TRAPPC10: variants seen among roughly 807,000 people sequenced by gnomAD.
TRAPPC10 encodes TRAPP 130 kDa subunit.
In TRAPPC10, 23 loss-of-function variants were observed where a neutral mutation model predicts 125.5. That is an observed-to-expected ratio of 0.18 (90% CI 0.13 to 0.26). TRAPPC10 has a LOEUF of 0.26. TRAPPC10 is among the 10% of genes least tolerant of loss of function. The pLI is 1.00. For missense variants in TRAPPC10, 1,123 were observed against 1,308.4 expected, an observed-to-expected ratio of 0.86 and a Z score of 2.19; for synonymous variants, 509 against 518.0, an observed-to-expected ratio of 0.98 and a Z score of 0.24.
chr21:44,095,037 T>C (rs1049836890), intron 20 of TRAPPC10, among the ~76,000 whole-genome samples: 2 of 148,844 alleles, frequency 1.3e-5, no homozygotes, highest in East Asian at 3.9e-4. Context: ...ATTATAATAA[T>C]AATTTATATA....
rs573839144 is a variant in TRAPPC10 at position 44,082,700 on chromosome 21, C to T, written c.1724-88C>T. ...ACTGCTGCTTGCTTCAGTCTGCTCT[C>T]GGTGATCTTACTGTGTCCGCGGCCT... On this transcript the variant is annotated intron_variant, in intron 13 of 22. Coordinates refer to ENST00000291574, the MANE Select transcript of TRAPPC10 (RefSeq NM_003274.5). The surrounding 1 kb of genome is among the most constrained non-coding windows in gnomAD (Gnocchi z 4.4). 9.8e-5 allele frequency: 144 copies of T among 1,466,956 alleles called. 1 individual carries two copies. Among genetic ancestry groups the T allele is most frequent in the South Asian group, 7.3e-4 (59 of 81,016 alleles). The allele number at this position is 1,466,956 out of a possible 1,614,324, so 90.9% of individuals were successfully genotyped here. A position where few individuals can be genotyped will look rare whatever the true frequency, so the allele number is the denominator to read the frequency against.
In TRAPPC10 at chr21:44,074,417, A is replaced by T. The variant is rs2037117902; in HGVS notation, c.1132A>T (p.Ile378Phe). The T allele has an allele frequency of 6.2e-7, 1 of 1,614,198 alleles. No individual in the cohort carries two copies. The highest frequency in any genetic ancestry group is 8.5e-7 in the Non-Finnish European group (1 of 1,180,012). The change falls in exon 8 of 23, where the codon ATC becomes TTC. Residue 378 changes from isoleucine (I) to phenylalanine (F), a missense_variant. Transcript: ENST00000291574. ...AGAAGGCTGCTGTGACCGGGCACAG[A>T]TCGACTCAAACATTGCCCACACTGT... ...RIEGCCDRAQ[I>F]DSNIAHTVGL...
At chr21:44,023,535 G>T (rs1363344916) in intron 1 of TRAPPC10, among the ~76,000 whole-genome samples, 1 of 152,146 alleles carries the variant, frequency 6.6e-6, no homozygotes, top group Non-Finnish European at 1.5e-5. Context: ...TCATGTTGGG[G>T]TCTAAGATAG....
chr21:44,052,040 G>A (rs942619955), intron 3 of TRAPPC10, among the ~76,000 whole-genome samples: 2 of 152,232 alleles, frequency 1.3e-5, no homozygotes, highest in Non-Finnish European at 2.9e-5. Flanking sequence ...TCACTGGGAC[G>A]CTCACATCCC....
intron 15 of TRAPPC10, among the ~76,000 whole-genome samples, chr21:44,084,682 G>A (rs2038006765): frequency 6.6e-6 from 1 of 152,176 alleles, no homozygotes; most frequent in Non-Finnish European, 1.5e-5. Context: ...ACTGGAGCTG[G>A]CGTCAGACAC....
rs544557990 is a variant in TRAPPC10, at chr21:44,039,794, G to A, written c.285+1867G>A. ...GCAGGAGAATTGCTTGAACCTGGGA[G>A]TGGAGGTTGCAGTGAGCCGAGATCG... On this transcript the variant is annotated intron_variant, in intron 3 of 22. Coordinates refer to ENST00000291574, the MANE Select transcript of TRAPPC10 (RefSeq NM_003274.5). Among the ~76,000 whole-genome samples, 5 of 152,300 alleles carry A rather than the reference G, an allele frequency of 3.3e-5. 1 individual carries two copies. The South Asian group carries it at 8.3e-4, about 25-fold the overall frequency.
chr21:44,087,036 G>A lies in TRAPPC10; in HGVS notation c.2539+76G>A. 1 of 1,539,470 alleles carries A rather than the reference G, an allele frequency of 6.5e-7. No homozygotes were observed. Among genetic ancestry groups the A allele is most frequent in the East Asian group, 2.3e-5 (1 of 44,114 alleles). ...CTGTGTGGGTGTGAGGGTGAGCCTG[G>A]CCTTGCTGCCATCCTGCTGAGCGCC... On this transcript the variant is annotated intron_variant, in intron 16 of 22. Coordinates refer to ENST00000291574, the MANE Select transcript of TRAPPC10 (RefSeq NM_003274.5). The surrounding 1 kb of genome is among the most constrained non-coding windows in gnomAD (Gnocchi z 4.6).
chr21:44,037,986 G>A (rs902964158), intron 3 of TRAPPC10, 59 bp downstream of exon 3: 1 of 1,580,336 alleles, frequency 6.3e-7, no homozygotes, highest in African/African-American at 1.4e-5. Flanking sequence ...TGCGTGGAGA[G>A]TGCTGTGTGA....
At chr21:44,028,769 G>A (rs912143939) in intron 1 of TRAPPC10, among the ~76,000 whole-genome samples, 2 of 152,192 alleles carry the variant, frequency 1.3e-5, no homozygotes, top group East Asian at 3.9e-4. Context: ...CAGTGAACTG[G>A]GTGACTTTGT....
At chr21:44,055,924 C>G in intron 5 of TRAPPC10, 31 bp downstream of exon 5, 1 of 1,498,416 alleles carries the variant, frequency 6.7e-7, no homozygotes, top group Non-Finnish European at 9.1e-7. Context: ...CTAGACAGTT[C>G]CTTCTCTCCT....
chr21:44,040,064 T>C (rs1232042171), intron 3 of TRAPPC10, among the ~76,000 whole-genome samples: 1 of 152,182 alleles, frequency 6.6e-6, no homozygotes, highest in African/African-American at 2.4e-5. Context: ...TGAGAACAGC[T>C]CCAAATTTGC....
At chr21:44,088,177 G>T (rs1347827762) in intron 17 of TRAPPC10, 4 of 540,510 alleles carry the variant, frequency 7.4e-6, no homozygotes, top group Non-Finnish European at 1.3e-5. Flanking sequence ...GGAGTTTGCT[G>T]TAAGAGGTTA....
intron 2 of TRAPPC10, among the ~76,000 whole-genome samples, chr21:44,035,813 T>C (rs2033944846): frequency 6.6e-6 from 1 of 152,086 alleles, no homozygotes; most frequent in Non-Finnish European, 1.5e-5. Context: ...AAATAATTAC[T>C]TTGATAAAAA....
At chr21:44,084,714 C>T (rs1043490863) in intron 15 of TRAPPC10, among the ~76,000 whole-genome samples, 1 of 152,154 alleles carries the variant, frequency 6.6e-6, no homozygotes, top group African/African-American at 2.4e-5. Flanking sequence ...GGCTCAGTCC[C>T]CAAGACAGTC....
In TRAPPC10 at chr21:44,087,027, G is replaced by T. The variant is rs1209976624; in HGVS notation, c.2539+67G>T. The T allele has an allele frequency of 5.1e-6, 8 of 1,567,280 alleles. No homozygotes were observed. Among genetic ancestry groups the T allele is most frequent in the Non-Finnish European group, 7.0e-6 (8 of 1,149,494 alleles). ...TGCCCTGCACTGTGTGGGTGTGAGG[G>T]TGAGCCTGGCCTTGCTGCCATCCTG... On this transcript the variant is annotated intron_variant, in intron 16 of 22. Transcript: ENST00000291574. The surrounding 1 kb of genome is among the most constrained non-coding windows in gnomAD (Gnocchi z 4.6).
intron 7 of TRAPPC10, among the ~76,000 whole-genome samples, chr21:44,069,502 C>CG (rs1338543766): frequency 6.6e-6 from 1 of 152,142 alleles, no homozygotes; most frequent in African/African-American, 2.4e-5. Context: ...AGGCTTTCCT[C>CG]GGGTATCAGT....
chr21:44,046,007 C>T (rs984979018), intron 3 of TRAPPC10, among the ~76,000 whole-genome samples: 3 of 150,958 alleles, frequency 2.0e-5, no homozygotes, highest in South Asian at 2.1e-4. Flanking sequence ...GCATATCCAC[C>T]GGAGAGGAAA....
At chr21:44,062,486 C>T (rs537194982) in intron 6 of TRAPPC10, 38 of 949,150 alleles carry the variant, frequency 4.0e-5, no homozygotes, top group East Asian at 1.2e-4. Flanking sequence ...CCTGTGGGGG[C>T]GGCACTGGCA....
chr21:44,086,979 AG>A lies in TRAPPC10; in HGVS notation c.2539+21del, dbSNP rs757819825. ...ACGAGAGGTGAGGTGCCGCCCACCC[AG>A]GCCCAAGGAGGATGCCCACCTTGCC... On this transcript the variant is annotated intron_variant, in intron 16 of 22. Coordinates refer to ENST00000291574, the MANE Select transcript of TRAPPC10 (RefSeq NM_003274.5). 1 of 1,612,432 alleles carries A rather than the reference AG, an allele frequency of 6.2e-7. No individual in the cohort carries two copies. The highest frequency in any genetic ancestry group is 8.5e-7 in the Non-Finnish European group (1 of 1,179,046).
Sources: allele counts gnomAD v4.1 joint callset (sites outside exome capture counted in the v4.1 genomes callset), GRCh38; gene constraint gnomAD v4.1.1; non-coding constraint Gnocchi (gnomAD v3.1); transcripts MANE v1.5; gene names NCBI Gene and HGNC (gene_info 2026-07-23, HGNC 2026-07-21).